PTPRD: variants seen among roughly 807,000 people sequenced by gnomAD.
PTPRD encodes receptor-type tyrosine-protein phosphatase delta.
In PTPRD, 34 loss-of-function variants were observed where a neutral mutation model predicts 214.5. The observed-to-expected ratio is 0.16, with a 90% CI of 0.12 to 0.21. PTPRD has a LOEUF of 0.21. Among genes scored for constraint, PTPRD ranks in the 10% least tolerant of loss-of-function variants. PTPRD has a pLI of 1.00. For synonymous variants in PTPRD, 1,128 were observed against 845.7 expected (o/e 1.33, Z -5.79); for missense variants, 2,545 against 2,398.7 (o/e 1.06, Z -1.27).
At chr9:10,520,309 C>G (rs2051736951) in intron 2 of PTPRD, among the ~76,000 whole-genome samples, 1 of 152,136 alleles carries the variant, frequency 6.6e-6, no homozygotes, top group African/African-American at 2.4e-5. Context: ...ACCACATTTC[C>G]TTAAGCCAAG....
intron 17 of PTPRD, among the ~76,000 whole-genome samples, chr9:8,525,436 C>G (rs570914149): frequency 4.6e-5 from 7 of 151,638 alleles, no homozygotes; most frequent in African/African-American, 1.7e-4. Flanking sequence ...AAGATAGGTA[C>G]GCTCAAAAAA....
intron 2 of PTPRD, among the ~76,000 whole-genome samples, chr9:10,455,498 A>AG: frequency 6.6e-6 from 1 of 151,740 alleles, no homozygotes; most frequent in Middle Eastern, 3.4e-3. Flanking sequence ...CTCCACTCTG[A>AG]TGCCCCAGCC....
In PTPRD at chr9:8,956,440, T is replaced by C. The variant is rs371843741; in HGVS notation, c.-104+62257A>G. Among the ~76,000 whole-genome samples the C allele has an allele frequency of 1.0e-3, 153 of 152,080 alleles. 1 individual carries two copies. Among genetic ancestry groups the C allele is most frequent in the Middle Eastern group, 3.4e-3 (1 of 294 alleles). The stretch of plus-strand genomic sequence containing the variant: ...AACAAATGAAGACATAATCTATTTT[T>C]CTTTTTCTTTCTTTCTTTCTTTTTT... On this transcript the variant is annotated intron_variant, in intron 11 of 45. Transcript: ENST00000381196.
At chr9:9,127,613 T>C (rs2099836060) in intron 10 of PTPRD, among the ~76,000 whole-genome samples, 1 of 152,120 alleles carries the variant, frequency 6.6e-6, no homozygotes, top group Non-Finnish European at 1.5e-5. Flanking sequence ...TTTAACATGA[T>C]AAAGTTAGAT....
In PTPRD at chr9:9,828,325, T is replaced by TA. The variant is rs1356471120; in HGVS notation, c.-367-61475dup. On this transcript the variant is annotated intron_variant, in intron 5 of 45. Transcript: ENST00000381196. ...TACATCATGGAATACTATGCAGCCATAAAAAAGGATGAGTTCAAGTCCTTT... is the reference window on the plus strand; with the variant it reads ...TACATCATGGAATACTATGCAGCCATAAAAAAAGGATGAGTTCAAGTCCTTT... 9.9e-5 allele frequency among the ~76,000 whole-genome samples: 15 copies of TA among 152,162 alleles called. No individual in the cohort carries two copies. In the East Asian group the frequency reaches 2.9e-3, roughly 29 times the overall value.
At chr9:8,688,432 G>C (rs2097732312) in intron 12 of PTPRD, among the ~76,000 whole-genome samples, 1 of 152,054 alleles carries the variant, frequency 6.6e-6, no homozygotes, top group African/African-American at 2.4e-5. Context: ...GGGCGTGGTG[G>C]TGGGCGCCTG....
chr9:9,631,192 C>CATAAGTAAATAAATAA (rs1554738853), intron 7 of PTPRD, among the ~76,000 whole-genome samples: 84 of 139,558 alleles, frequency 6.0e-4, no homozygotes, highest in African/African-American at 1.7e-3. Flanking sequence ...GTATCTCATT[C>CATAAGTAAATAAATAA]ATAAATAAAT....
chr9:9,638,995 A>G (rs1007105284), intron 7 of PTPRD, among the ~76,000 whole-genome samples: 2 of 152,180 alleles, frequency 1.3e-5, no homozygotes, highest in Non-Finnish European at 2.9e-5. Context: ...CCTCATCACC[A>G]AAACACCTCC....
rs143275500 is a variant in PTPRD, at chr9:10,440,403, C to T, written c.-599-99386G>A. On this transcript the variant is annotated intron_variant, in intron 2 of 45. Coordinates refer to ENST00000381196, the MANE Select transcript of PTPRD (RefSeq NM_002839.4). ...TACAGTACTATCATATAAATCATAT[C>T]AGCATAGATATGAACACTCCATAGA... Among the ~76,000 whole-genome samples the T allele has an allele frequency of 8.6e-5, 13 of 151,802 alleles. No individual in the cohort carries two copies. In the East Asian group the frequency reaches 2.5e-3, roughly 29 times the overall value.
chr9:9,391,880 C>G (rs1224132278), intron 9 of PTPRD, among the ~76,000 whole-genome samples: 1 of 152,102 alleles, frequency 6.6e-6, no homozygotes, highest in Non-Finnish European at 1.5e-5. Flanking sequence ...GAATGTATCT[C>G]AAAATTTAAA....
chr9:8,894,517 G>C (rs1273716827), intron 11 of PTPRD, among the ~76,000 whole-genome samples: 1 of 152,072 alleles, frequency 6.6e-6, no homozygotes, highest in South Asian at 2.1e-4. Context: ...GAATGTGGGG[G>C]TTGGGGGGTG....
At chr9:10,369,473 G>A (rs375670516) in intron 2 of PTPRD, among the ~76,000 whole-genome samples, 4 of 151,916 alleles carry the variant, frequency 2.6e-5, no homozygotes, top group African/African-American at 4.8e-5. Flanking sequence ...GTATCCATAC[G>A]AACAGCCACA....
intron 39 of PTPRD, among the ~76,000 whole-genome samples, chr9:8,366,097 C>A (rs796809648): frequency 1.3e-5 from 2 of 152,244 alleles, no homozygotes; most frequent in African/African-American, 4.8e-5. Context: ...AAATATGATT[C>A]AATGCTCAAC....
intron 10 of PTPRD, among the ~76,000 whole-genome samples, chr9:9,168,475 A>G (rs2099908290): frequency 6.6e-6 from 1 of 152,186 alleles, no homozygotes; most frequent in Non-Finnish European, 1.5e-5. Context: ...TTGAAATACA[A>G]TGGCATAAAA....
In PTPRD at chr9:8,319,893, C is replaced by T. The variant is rs2130709442; in HGVS notation, c.5608G>A (p.Val1870Ile). Residue 1870 changes from valine (V) to isoleucine (I), a missense_variant, in exon 45 of 46, where the codon GTA becomes ATA. By Grantham distance (29) the Val-to-Ile change is conservative. Coordinates refer to ENST00000381196, the MANE Select transcript of PTPRD (RefSeq NM_002839.4). ...VLERMRYEGV[V>I]DIFQTVKMLR... ...ATTTTGACAGTCTGGAAGATATCTA[C>T]AACTCCTTCATATCTCATTCTTTCC... 5.0e-6 allele frequency: 8 copies of T among 1,612,972 alleles called. No individual in the cohort carries two copies. In the South Asian group the frequency reaches 8.8e-5, roughly 18 times the overall value.
At chr9:9,719,903 G>A (rs757870307) in intron 7 of PTPRD, among the ~76,000 whole-genome samples, 16 of 152,186 alleles carry the variant, frequency 1.1e-4, no homozygotes, top group African/African-American at 2.7e-4. Flanking sequence ...GTGCTAGTGC[G>A]TGGAGCTGCC....
At chr9:9,635,358 T>C (rs2095728303) in intron 7 of PTPRD, among the ~76,000 whole-genome samples, 2 of 152,154 alleles carry the variant, frequency 1.3e-5, no homozygotes, top group Admixed American at 6.6e-5. Context: ...AGCTTTTTGG[T>C]TCAGGGTAGG....
At chr9:9,626,479 A>T (rs2095429614) in intron 7 of PTPRD, among the ~76,000 whole-genome samples, 1 of 152,172 alleles carries the variant, frequency 6.6e-6, no homozygotes, top group African/African-American at 2.4e-5. Flanking sequence ...ATCGATCTCA[A>T]ATGGCTTCAA....
chr9:8,703,094 G>T (rs1019802827), intron 12 of PTPRD, among the ~76,000 whole-genome samples: 5 of 152,176 alleles, frequency 3.3e-5, no homozygotes, highest in African/African-American at 1.2e-4. Context: ...AGAAGAGCTG[G>T]TCAGATACCA....
Sources: gnomAD v4.1 joint callset for allele counts (sites outside exome capture counted in the v4.1 genomes callset) on GRCh38, gnomAD v4.1.1 for gene constraint, MANE v1.5 for transcripts, NCBI Gene and HGNC (gene_info 2026-07-23, HGNC 2026-07-21) for gene names.